ACTR2: variants seen among roughly 807,000 people sequenced by gnomAD.
ACTR2 encodes actin related protein 2, also known as actin-related protein 2.
In ACTR2, 5 loss-of-function variants were observed where a neutral mutation model predicts 50.2. The observed-to-expected ratio is 0.10, with a 90% CI of 0.05 to 0.21. The LOEUF is 0.21. Ranked by LOEUF, ACTR2 falls within the 10% of genes least tolerant of loss-of-function variation. The pLI is 1.00. For missense variants in ACTR2, 180 were observed against 480.6 expected, an observed-to-expected ratio of 0.37 and a Z score of 5.85; for synonymous variants, 140 against 162.9, an observed-to-expected ratio of 0.86 and a Z score of 1.07.
intron 4 of ACTR2, among the ~76,000 whole-genome samples, chr2:65,252,632 G>A (rs575758915): frequency 5.8e-4 from 88 of 151,820 alleles, no homozygotes; most frequent in Non-Finnish European, 1.1e-3. Flanking sequence ...GCGACAGAGT[G>A]AGACTCTGTC....
chr2:65,240,825 T>G (rs1470375105), intron 2 of ACTR2, among the ~76,000 whole-genome samples: 1 of 152,156 alleles, frequency 6.6e-6, no homozygotes, highest in Non-Finnish European at 1.5e-5. Flanking sequence ...AAGCCTTCAG[T>G]GTAAGGTTAT....
At chr2:65,241,933 C>T (rs1671846821) in intron 2 of ACTR2, 1 of 1,381,692 alleles carries the variant, frequency 7.2e-7, no homozygotes, top group African/African-American at 1.4e-5. Context: ...CTGACCTCAA[C>T]CTAATTGTCT....
chr2:65,236,641 C>T (rs1350985957), intron 1 of ACTR2, among the ~76,000 whole-genome samples: 1 of 151,850 alleles, frequency 6.6e-6, no homozygotes. Context: ...AGTGCAGTGG[C>T]GTGATCTCAG....
At chr2:65,242,695 A>G (rs775140695) in intron 2 of ACTR2, 1 of 498,756 alleles carries the variant, frequency 2.0e-6, no homozygotes, top group Non-Finnish European at 4.0e-6. Context: ...AACATTGTAC[A>G]GTGTGTTTTT....
At position 65,254,884 on chromosome 2, in the gene ACTR2, GTAAC is replaced by G. The variant is rs1290772461; in HGVS notation, c.586-656_586-653del. On this transcript the variant is annotated intron_variant, in intron 5 of 8. Transcript: ENST00000260641. ...CTCATTTTAGGCCAAAATTCAAAGC[GTAAC>G]TAACAGAATTTCTGGGGTTGTCTTT... Among the ~76,000 whole-genome samples, 8 of 152,048 alleles carry G rather than the reference GTAAC, an allele frequency of 5.3e-5. No homozygotes were observed. In the South Asian group the frequency reaches 1.5e-3, roughly 28 times the overall value.
chr2:65,245,560 T>TG (rs1671919905), intron 2 of ACTR2, among the ~76,000 whole-genome samples: 1 of 152,216 alleles, frequency 6.6e-6, no homozygotes, highest in African/African-American at 2.4e-5. Context: ...TGCTTTTTTT[T>TG]GTCTCTCCAT....
At chr2:65,264,963 G>A (rs1672344920) in intron 7 of ACTR2, 80 bp from the exon 8 acceptor site, 1 of 1,518,172 alleles carries the variant, frequency 6.6e-7, no homozygotes, top group Non-Finnish European at 9.1e-7. Context: ...CAACCCCGAG[G>A]CTGACATAAG....
chr2:65,234,366 G>T (rs569226690), intron 1 of ACTR2, among the ~76,000 whole-genome samples: 2 of 152,260 alleles, frequency 1.3e-5, no homozygotes, highest in East Asian at 3.9e-4. Flanking sequence ...ATAAACTACT[G>T]CTCAAGCAGA....
At chr2:65,230,830 G>A (rs542219230) in intron 1 of ACTR2, among the ~76,000 whole-genome samples, 89 of 152,102 alleles carry the variant, frequency 5.9e-4, no homozygotes, top group Non-Finnish European at 1.1e-3. Flanking sequence ...GAGGTAGGAG[G>A]TTCACTTGAG....
chr2:65,259,670 A>G (rs993378500), intron 6 of ACTR2, among the ~76,000 whole-genome samples: 1 of 152,212 alleles, frequency 6.6e-6, no homozygotes, highest in East Asian at 1.9e-4. Flanking sequence ...CAGAGGTTGC[A>G]CTGAGCCACG....
At chr2:65,236,893 C>T (rs577615921) in intron 1 of ACTR2, among the ~76,000 whole-genome samples, 10 of 152,260 alleles carry the variant, frequency 6.6e-5, no homozygotes, top group African/African-American at 2.4e-4. Context: ...TGTTTTATTA[C>T]TGTCATGTAT....
intron 8 of ACTR2, 79 bp from the exon 9 acceptor site, chr2:65,268,485 T>C: frequency 1.5e-6 from 2 of 1,297,624 alleles, no homozygotes; most frequent in East Asian, 2.4e-5. Context: ...AGGGAGAGCA[T>C]ATATTTAAAA....
intron 4 of ACTR2, among the ~76,000 whole-genome samples, chr2:65,252,183 G>A (rs1412726969): frequency 6.6e-6 from 1 of 152,000 alleles, no homozygotes; most frequent in Non-Finnish European, 1.5e-5. Context: ...GCATTAGTCA[G>A]TGTTCCTGGG....
At chr2:65,246,858 A>T (rs1007657237) in intron 3 of ACTR2, 119 bp downstream of exon 3, 4 of 758,856 alleles carry the variant, frequency 5.3e-6, no homozygotes, top group Non-Finnish European at 8.4e-6. Context: ...TTCAGATCTT[A>T]TTAAGTATCT....
intron 2 of ACTR2, among the ~76,000 whole-genome samples, chr2:65,244,196 T>C (rs1325194648): frequency 6.6e-6 from 1 of 152,186 alleles, no homozygotes; most frequent in African/African-American, 2.4e-5. Context: ...TAAGCCCCTA[T>C]TTGTACATTA....
intron 6 of ACTR2, among the ~76,000 whole-genome samples, chr2:65,258,115 C>T (rs576166967): frequency 1.3e-5 from 2 of 152,302 alleles, no homozygotes; most frequent in Admixed American, 1.3e-4. Context: ...AGATTCCTTC[C>T]TGAAGTCTTC....
chr2:65,231,980 G>C (rs11688978), intron 1 of ACTR2, among the ~76,000 whole-genome samples: 1 of 152,222 alleles, frequency 6.6e-6, no homozygotes. Context: ...ACGATCACAT[G>C]ACCAATGTTG....
chr2:65,231,158 T>A (rs1341338425), intron 1 of ACTR2, among the ~76,000 whole-genome samples: 1 of 152,150 alleles, frequency 6.6e-6, no homozygotes, highest in African/African-American at 2.4e-5. Flanking sequence ...CTGTCATAAA[T>A]GAAAAAAGTG....
At chr2:65,246,816 A>G (rs897781777) in intron 3 of ACTR2, 77 bp downstream of exon 3, 12 of 1,007,260 alleles carry the variant, frequency 1.2e-5, no homozygotes, top group East Asian at 4.9e-5. Context: ...TACTGTTGCT[A>G]TGGATAAAGA....
Sources: gnomAD v4.1 joint callset for allele counts (sites outside exome capture counted in the v4.1 genomes callset) on GRCh38, gnomAD v4.1.1 for gene constraint, MANE v1.5 for transcripts, NCBI Gene and HGNC (gene_info 2026-07-23, HGNC 2026-07-21) for gene names.